RB1CC1: variants seen among roughly 807,000 people sequenced by gnomAD.
RB1CC1 encodes RB1 inducible coiled-coil 1, also known as RB1-inducible coiled-coil protein 1.
Under a neutral mutation model 177.5 loss-of-function variants are expected in RB1CC1, and 46 were observed. The observed-to-expected ratio is 0.26, with a 90% confidence interval of 0.20 to 0.33. RB1CC1 has a LOEUF of 0.33. Among genes scored for constraint, RB1CC1 ranks in the 10% least tolerant of loss-of-function variants. RB1CC1 has a pLI of 1.00. For synonymous variants in RB1CC1, 666 were observed against 613.6 expected, an observed-to-expected ratio of 1.09 and a Z score of -1.26; for missense variants, 1,703 against 1,816.3, an observed-to-expected ratio of 0.94 and a Z score of 1.13.
intron 22 of RB1CC1, among the ~76,000 whole-genome samples, chr8:52,627,307 A>C (rs144992721): frequency 0.01 from 1,523 of 152,298 alleles, 20 homozygotes; most frequent in Non-Finnish European, 0.013. Context: ...AGATCGTGCC[A>C]CCGCACTCCA....
intron 15 of RB1CC1, among the ~76,000 whole-genome samples, chr8:52,649,057 T>A (rs576575602): frequency 9.2e-5 from 14 of 152,210 alleles, no homozygotes; most frequent in Non-Finnish European, 1.5e-4. Flanking sequence ...AACTCAGGAA[T>A]TGTTTATTTC....
chr8:52,634,135 A>G (rs1378702713), intron 20 of RB1CC1, among the ~76,000 whole-genome samples: 1 of 151,942 alleles, frequency 6.6e-6, no homozygotes, highest in East Asian at 1.9e-4. Context: ...TTTTTTAATT[A>G]AAAACGAAAC....
intron 7 of RB1CC1, among the ~76,000 whole-genome samples, chr8:52,671,415 T>C (rs1364477229): frequency 2.0e-5 from 3 of 152,220 alleles, no homozygotes; most frequent in Non-Finnish European, 2.9e-5. Flanking sequence ...CGATCAGATA[T>C]CAGGTAGGTT....
rs115682742 is a variant in RB1CC1, at chr8:52,693,046, G to A, written c.-166-6079C>T. Reference sequence around the variant, plus strand: ...GGAAAGGATTCCCTATTTAATAAACGGTGCTTGGAGTCTTGGCTAGCCATA... The same window carrying A: ...GGAAAGGATTCCCTATTTAATAAACAGTGCTTGGAGTCTTGGCTAGCCATA... On this transcript the variant is annotated intron_variant, in intron 1 of 23. Transcript: ENST00000025008. Among the ~76,000 whole-genome samples, 881 of 152,264 alleles carry A rather than the reference G, an allele frequency of 5.8e-3. 7 individuals carry two copies. Among genetic ancestry groups the A allele is most frequent in the African/African-American group, 0.019 (798 of 41,536 alleles).
intron 18 of RB1CC1, among the ~76,000 whole-genome samples, chr8:52,638,336 T>C (rs548119340): frequency 1.1e-4 from 16 of 152,294 alleles, no homozygotes; most frequent in South Asian, 4.1e-4. Context: ...ATAAAGCCAA[T>C]TGGAATTCCT....
In RB1CC1 at chr8:52,655,989, G is replaced by C. The variant is rs539250005; in HGVS notation, c.3821+19C>G. Reference sequence around the variant, plus strand: ...CTGATATTTTAATTTTATAATTACAGACTAAACTTAATTCTTACCTTTTTG... The same window carrying C: ...CTGATATTTTAATTTTATAATTACACACTAAACTTAATTCTTACCTTTTTG... On this transcript the variant is annotated intron_variant, in intron 15 of 23. Coordinates refer to ENST00000025008, the MANE Select transcript of RB1CC1 (RefSeq NM_014781.5). The C allele has an allele frequency of 6.5e-7, 1 of 1,528,768 alleles. No homozygotes were observed. The highest frequency in any genetic ancestry group is 1.2e-5 in the South Asian group (1 of 85,504). The allele number at this position is 1,528,768 out of a possible 1,614,324, so 94.7% of individuals were successfully genotyped here. A position where few individuals can be genotyped will look rare whatever the true frequency, so the allele number is the denominator to read the frequency against.
At chr8:52,668,886 T>C (rs1165393412) in intron 7 of RB1CC1, among the ~76,000 whole-genome samples, 4 of 152,214 alleles carry the variant, frequency 2.6e-5, no homozygotes, top group Admixed American at 6.5e-5. Context: ...TTAAAGGCTC[T>C]GGGAAGTTAC....
intron 8 of RB1CC1, among the ~76,000 whole-genome samples, chr8:52,666,192 G>A (rs1358493503): frequency 1.3e-5 from 2 of 151,974 alleles, no homozygotes; most frequent in African/African-American, 4.8e-5. Flanking sequence ...TCAGGTACAT[G>A]AAAAGGCAAG....
chr8:52,647,757 A>G (rs1182316017), intron 15 of RB1CC1, among the ~76,000 whole-genome samples: 2 of 152,220 alleles, frequency 1.3e-5, no homozygotes, highest in African/African-American at 4.8e-5. Flanking sequence ...AGTAAAGGTT[A>G]TGAATTTTAT....
At chr8:52,703,190 C>T (rs1220073772) in intron 1 of RB1CC1, among the ~76,000 whole-genome samples, 1 of 152,050 alleles carries the variant, frequency 6.6e-6, no homozygotes, top group African/African-American at 2.4e-5. Context: ...CTTGGTTCCA[C>T]ATAAACAGTT....
At chr8:52,681,876 T>C (rs1285508453) in intron 5 of RB1CC1, among the ~76,000 whole-genome samples, 1 of 152,212 alleles carries the variant, frequency 6.6e-6, no homozygotes, top group East Asian at 1.9e-4. Flanking sequence ...GTAAGTTTGC[T>C]GCAGGGGCAG....
At chr8:52,713,074 T>C (rs967631841) in intron 1 of RB1CC1, among the ~76,000 whole-genome samples, 4 of 152,248 alleles carry the variant, frequency 2.6e-5, no homozygotes, top group Non-Finnish European at 5.9e-5. Flanking sequence ...AACTTATGTA[T>C]AAATCATACA....
intron 1 of RB1CC1, among the ~76,000 whole-genome samples, chr8:52,696,126 C>G (rs1429364999): frequency 6.6e-6 from 1 of 152,170 alleles, no homozygotes; most frequent in Non-Finnish European, 1.5e-5. Context: ...CTCACTGCAA[C>G]CTCTGTCTCC....
At chr8:52,663,846 A>G (rs1851835571) in intron 8 of RB1CC1, among the ~76,000 whole-genome samples, 1 of 152,176 alleles carries the variant, frequency 6.6e-6, no homozygotes, top group Admixed American at 6.5e-5. Flanking sequence ...CCTACTATGT[A>G]TGTATCAGGA....
At chr8:52,675,888 GAAAAAAA>G (rs1268855883) in intron 6 of RB1CC1, among the ~76,000 whole-genome samples, 2 of 72,180 alleles carry the variant, frequency 2.8e-5, no homozygotes, top group Non-Finnish European at 5.9e-5. Context: ...CTCCGTCTCA[GAAAAAAA>G]AAAAAAAAAA....
chr8:52,673,752 G>A (rs1852813915), intron 7 of RB1CC1, 93 bp downstream of exon 7: 3 of 1,184,098 alleles, frequency 2.5e-6, no homozygotes, highest in Non-Finnish European at 3.5e-6. Flanking sequence ...TCTACTAAAA[G>A]GTAATACCCA....
chr8:52,627,107 G>T (rs1315407215), intron 22 of RB1CC1, among the ~76,000 whole-genome samples: 1 of 152,058 alleles, frequency 6.6e-6, no homozygotes, highest in African/African-American at 2.4e-5. Context: ...CCAGCACTTT[G>T]GGAGCCTGAG....
rs1476784306 is a variant in RB1CC1, at chr8:52,683,659, T to G, written c.259A>C (p.Ile87Leu). The change falls in exon 5 of 24, where the codon ATT (isoleucine) becomes CTT (leucine). Residue 87 changes from isoleucine (I) to leucine (L), a missense_variant. By Grantham distance (5) the Ile-to-Leu change is conservative. Coordinates refer to ENST00000025008, the MANE Select transcript of RB1CC1 (RefSeq NM_014781.5). Reference protein sequence around the residue: ...EMILCDRPPAIPKTTFSTEND... With the variant: ...EMILCDRPPALPKTTFSTEND... ...TCTGTCGAAAAGGTAGTTTTAGGAA[T>G]AGCAGGTGGACGATCACATAAGATC... 5.0e-6 allele frequency: 8 copies of G among 1,612,124 alleles called. No individual in the cohort carries two copies. The highest frequency in any genetic ancestry group is 6.8e-6 in the Non-Finnish European group (8 of 1,179,038).
intron 7 of RB1CC1, 139 bp downstream of exon 7, chr8:52,673,706 C>T: frequency 2.7e-6 from 2 of 748,104 alleles, no homozygotes; most frequent in Non-Finnish European, 4.0e-6. Flanking sequence ...ATTGATTCAA[C>T]CTATGTTAAA....
Sources: allele counts gnomAD v4.1 joint callset (sites outside exome capture counted in the v4.1 genomes callset), GRCh38; gene constraint gnomAD v4.1.1; transcripts MANE v1.5; gene names NCBI Gene and HGNC (gene_info 2026-07-23, HGNC 2026-07-21).